PCP4L1: variants seen among roughly 807,000 people sequenced by gnomAD.
PCP4L1 encodes Purkinje cell protein 4-like protein 1.
A neutral mutation model predicts 9.6 loss-of-function variants in PCP4L1; 9 were observed. The observed-to-expected ratio is 0.94, with a 90% confidence interval of 0.57 to 1.64. PCP4L1 has a LOEUF of 1.64. Among genes scored for constraint, PCP4L1 ranks in the 40% most tolerant of loss-of-function variants. The pLI, the probability that PCP4L1 is intolerant of heterozygous loss-of-function variation, is 0.00. For missense variants in PCP4L1, 81 were observed against 80.8 expected (o/e 1.00, Z -0.01); for synonymous variants, 31 against 28.2 (o/e 1.10, Z -0.31).
intron 1 of PCP4L1, among the ~76,000 whole-genome samples, chr1:161,262,040 T>C (rs1482027224): frequency 2.0e-5 from 3 of 152,232 alleles, no homozygotes; most frequent in Non-Finnish European, 4.4e-5. Context: ...TGGTGTGGAC[T>C]TGGAGGAGAT....
At chr1:161,268,583 C>T (rs1364000251) in intron 1 of PCP4L1, among the ~76,000 whole-genome samples, 3 of 119,562 alleles carry the variant, frequency 2.5e-5, no homozygotes, top group Non-Finnish European at 4.9e-5. Flanking sequence ...GATGGAGTCT[C>T]GCTCTTGTTG....
At chr1:161,277,245 A>T (rs1335308546) in intron 1 of PCP4L1, among the ~76,000 whole-genome samples, 1 of 152,228 alleles carries the variant, frequency 6.6e-6, no homozygotes, top group Non-Finnish European at 1.5e-5. Context: ...AGTTCAGTAC[A>T]TATCCACGTC....
intron 1 of PCP4L1, among the ~76,000 whole-genome samples, chr1:161,281,048 C>G (rs546015959): frequency 1.3e-5 from 2 of 152,158 alleles, no homozygotes; most frequent in East Asian, 1.9e-4. Flanking sequence ...TGACTCTTAA[C>G]GAGCATGCTG....
chr1:161,271,809 C>A (rs2501867), intron 1 of PCP4L1, among the ~76,000 whole-genome samples: 69,140 of 150,076 alleles, frequency 0.46, 16,195 homozygotes, highest in East Asian at 0.64. Flanking sequence ...ATCTTTTTTT[C>A]TTTTTTCTTT....
intron 1 of PCP4L1, among the ~76,000 whole-genome samples, chr1:161,273,025 A>G (rs1384351865): frequency 6.6e-6 from 1 of 152,200 alleles, no homozygotes; most frequent in Non-Finnish European, 1.5e-5. Flanking sequence ...CGAAAGAAAA[A>G]AAGACCCTTA....
Position 161,259,049 on chromosome 1 carries a change from CCCAGGGAGG to C in PCP4L1, c.9+68_9+76del, listed in dbSNP as rs1230797061. The C allele has an allele frequency of 1.2e-5, 18 of 1,515,270 alleles. 1 individual carries two copies. The highest frequency in any genetic ancestry group is 8.8e-7 in the Non-Finnish European group (1 of 1,137,166). 93.9% of individuals were successfully genotyped at this position (1,515,270 alleles called of 1,614,324 possible). Reference sequence around the variant, plus strand: ...CGGGGAGGGTGCTGCGGCTCGGGATCCCAGGGAGGCGAGGGAGAGCGAGGCAGACCGGAG... The same window carrying C: ...CGGGGAGGGTGCTGCGGCTCGGGATCCGAGGGAGAGCGAGGCAGACCGGAG... On this transcript the variant is annotated intron_variant, in intron 1 of 2. Transcript: ENST00000504449.
intron 1 of PCP4L1, among the ~76,000 whole-genome samples, chr1:161,272,384 C>T (rs1254422963): frequency 6.6e-6 from 1 of 151,454 alleles, no homozygotes; most frequent in Non-Finnish European, 1.5e-5. Flanking sequence ...ATGGTGAAAC[C>T]CTGTCTCTAC....
chr1:161,263,897 T>C (rs1669461919), intron 1 of PCP4L1, among the ~76,000 whole-genome samples: 1 of 135,934 alleles, frequency 7.4e-6, no homozygotes, highest in Admixed American at 7.6e-5. Flanking sequence ...ATACTTTCTT[T>C]CCTTTTTTTT....
intron 1 of PCP4L1, among the ~76,000 whole-genome samples, chr1:161,270,644 C>T (rs977526485): frequency 4.7e-5 from 7 of 150,246 alleles, no homozygotes; most frequent in Middle Eastern, 3.7e-3. Context: ...GAGGCTTAGG[C>T]GGGAGGATCA....
chr1:161,279,484 GAAGT>G (rs1669758001), intron 1 of PCP4L1, among the ~76,000 whole-genome samples: 1 of 152,184 alleles, frequency 6.6e-6, no homozygotes, highest in Non-Finnish European at 1.5e-5. Flanking sequence ...AGTATTTATT[GAAGT>G]GAGATGGAAA....
intron 1 of PCP4L1, among the ~76,000 whole-genome samples, chr1:161,282,647 G>A (rs1164144078): frequency 6.6e-6 from 1 of 151,980 alleles, no homozygotes; most frequent in Non-Finnish European, 1.5e-5. Context: ...TCTTCTCTTG[G>A]ATAATTAATA....
At chr1:161,271,911 G>A (rs538382987) in intron 1 of PCP4L1, among the ~76,000 whole-genome samples, 2 of 151,404 alleles carry the variant, frequency 1.3e-5, no homozygotes, top group African/African-American at 4.8e-5. Flanking sequence ...TCTAGTGATC[G>A]ATCCTCATAC....
At chr1:161,274,801 C>T (rs913703225) in intron 1 of PCP4L1, among the ~76,000 whole-genome samples, 8 of 152,114 alleles carry the variant, frequency 5.3e-5, no homozygotes, top group South Asian at 2.1e-4. Context: ...GTGGCTATTT[C>T]GAGAACTGGC....
chr1:161,283,785 G>T, intron 2 of PCP4L1, 63 bp downstream of exon 2: 2 of 1,481,508 alleles, frequency 1.3e-6, no homozygotes, highest in East Asian at 2.4e-5. Flanking sequence ...AAGACAAGTA[G>T]GGTGAGTCTG....
rs1217579533 is a variant in PCP4L1 at position 161,282,371 on chromosome 1, AGCGTG to A, written c.10-1295_10-1291del. 2.4e-5 allele frequency among the ~76,000 whole-genome samples: 3 copies of A among 123,254 alleles called. No homozygotes were observed. In the East Asian group the frequency reaches 9.1e-4, roughly 37 times the overall value. The allele number at this position is 123,254 out of a possible 152,430, so 80.9% of individuals were successfully genotyped here. A position where few individuals can be genotyped will look rare whatever the true frequency, so the allele number is the denominator to read the frequency against. On this transcript the variant is annotated intron_variant, in intron 1 of 2. Transcript: ENST00000504449. ...AGCTTCAGCTGGGCATCAGAGGGAG[AGCGTG>A]GAAAGAGAGGGAGAGGGAGACCGTG... is the stretch of plus-strand genomic sequence containing the variant.
chr1:161,279,129 G>A (rs1475974269), intron 1 of PCP4L1, among the ~76,000 whole-genome samples: 3 of 152,144 alleles, frequency 2.0e-5, no homozygotes, highest in Non-Finnish European at 1.5e-5. Flanking sequence ...GCACAAACCT[G>A]CTTCAGGGAC....
At chr1:161,262,135 A>G (rs1446430269) in intron 1 of PCP4L1, among the ~76,000 whole-genome samples, 3 of 152,138 alleles carry the variant, frequency 2.0e-5, no homozygotes, top group Non-Finnish European at 4.4e-5. Flanking sequence ...ACTTACTGCT[A>G]TTGAAATGCC....
chr1:161,258,862 C>A lies in PCP4L1; in HGVS notation c.-113C>A. On this transcript the variant is annotated 5_prime_UTR_variant, in exon 1 of 3. In the 5' UTR this introduces an upstream ATG that the reference lacks. Coordinates refer to ENST00000504449, the MANE Select transcript of PCP4L1 (RefSeq NM_001102566.2). Reference sequence around the variant, plus strand: ...GCACTAACTCTCCTCTCCTGGTCAGCTGTAACCCCTGCCGCAGAGCCCGGC... The same window carrying A: ...GCACTAACTCTCCTCTCCTGGTCAGATGTAACCCCTGCCGCAGAGCCCGGC... 6.8e-7 allele frequency: 1 copy of A among 1,461,356 alleles called. No individual in the cohort carries two copies. The highest frequency in any genetic ancestry group is 9.3e-7 in the Non-Finnish European group (1 of 1,079,572). The allele number at this position is 1,461,356 out of a possible 1,614,324, so 90.5% of individuals were successfully genotyped here. A position where few individuals can be genotyped will look rare whatever the true frequency, so the allele number is the denominator to read the frequency against.
intron 1 of PCP4L1, among the ~76,000 whole-genome samples, chr1:161,271,520 C>A (rs970401386): frequency 6.6e-6 from 1 of 151,964 alleles, no homozygotes; most frequent in Non-Finnish European, 1.5e-5. Flanking sequence ...CCCCTCACCC[C>A]CAAGACAGAG....
Sources: gnomAD v4.1 joint callset for allele counts (sites outside exome capture counted in the v4.1 genomes callset) on GRCh38, gnomAD v4.1.1 for gene constraint, MANE v1.5 for transcripts, NCBI Gene and HGNC (gene_info 2026-07-23, HGNC 2026-07-21) for gene names.